FASTKD1: variants seen among roughly 807,000 people sequenced by gnomAD.
FASTKD1 encodes the protein FAST kinase domains 1, also known as FAST kinase domain-containing protein 1, mitochondrial.
FASTKD1 carries 94 observed loss-of-function variants against 90.9 expected under a neutral mutation model. The observed-to-expected ratio is 1.03, with a 90% CI of 0.88 to 1.23. The LOEUF is 1.23. Ranked by LOEUF, FASTKD1 falls within the 50% of genes most tolerant of loss-of-function variation. The pLI is 0.00. For missense variants in FASTKD1, 945 were observed against 993.5 expected, an observed-to-expected ratio of 0.95 and a Z score of 0.66; for synonymous variants, 319 against 345.8, an observed-to-expected ratio of 0.92 and a Z score of 0.86.
intron 6 of FASTKD1, among the ~76,000 whole-genome samples, chr2:169,556,385 G>C (rs906959180): frequency 6.8e-6 from 1 of 148,074 alleles, no homozygotes; most frequent in Non-Finnish European, 1.5e-5. Flanking sequence ...GCAGTGAGTT[G>C]TGATGGCACC....
chr2:169,540,439 T>C (rs1327440308), intron 9 of FASTKD1, among the ~76,000 whole-genome samples: 1 of 152,184 alleles, frequency 6.6e-6, no homozygotes, highest in African/African-American at 2.4e-5. Context: ...GTGATTCAAT[T>C]TGAATAAATT....
At chr2:169,563,515 A>G (rs1683808407) in intron 3 of FASTKD1, 165 bp from the exon 4 acceptor site, 1 of 384,398 alleles carries the variant, frequency 2.6e-6, no homozygotes, top group East Asian at 5.0e-5. Context: ...AAAAAGTCAG[A>G]TACTGTAGAA....
intron 8 of FASTKD1, 63 bp from the exon 9 acceptor site, chr2:169,544,898 CTAAT>C: frequency 3.4e-6 from 3 of 879,202 alleles, no homozygotes; most frequent in Non-Finnish European, 5.3e-6. Flanking sequence ...AAATTTTAAC[CTAAT>C]TATTTTTTAG....
intron 2 of FASTKD1, among the ~76,000 whole-genome samples, chr2:169,569,588 C>T (rs942258828): frequency 6.6e-6 from 1 of 152,182 alleles, no homozygotes; most frequent in Non-Finnish European, 1.5e-5. Flanking sequence ...TGGTGGCTCA[C>T]ACCTGTAATC....
intron 7 of FASTKD1, among the ~76,000 whole-genome samples, chr2:169,547,741 C>T (rs1685267074): frequency 6.6e-6 from 1 of 151,556 alleles, no homozygotes; most frequent in Non-Finnish European, 1.5e-5. Flanking sequence ...TTAGCTTAGC[C>T]AGGCATGGTG....
chr2:169,538,257 T>C, intron 10 of FASTKD1, 116 bp from the exon 11 acceptor site: 1 of 812,834 alleles, frequency 1.2e-6, no homozygotes, highest in Non-Finnish European at 1.9e-6. Flanking sequence ...TAACAGTATT[T>C]AGAACTGTTT....
At position 169,564,131 on chromosome 2, in the gene FASTKD1, T is replaced by C. The variant is rs73971632; in HGVS notation, c.447-781A>G. 9.5e-3 allele frequency among the ~76,000 whole-genome samples: 1,449 copies of C among 152,272 alleles called. 30 individuals are homozygous for C. Among genetic ancestry groups the C allele is most frequent in the African/African-American group, 0.032 (1,349 of 41,542 alleles). ...TCATGCTGTATGCTTATGACTAGTA[T>C]AATTTTTATACATTATTTTTCTGTA... is the stretch of plus-strand genomic sequence containing the variant. On this transcript the variant is annotated intron_variant, in intron 3 of 14. Transcript: ENST00000453153.
chr2:169,531,249 G>A, intron 13 of FASTKD1, 103 bp downstream of exon 13: 1 of 1,202,192 alleles, frequency 8.3e-7, no homozygotes, highest in Non-Finnish European at 1.2e-6. Flanking sequence ...GACATATGAG[G>A]AACAGATTCC....
intron 13 of FASTKD1, 84 bp from the exon 14 acceptor site, chr2:169,530,785 C>A: frequency 1.4e-6 from 1 of 727,520 alleles, no homozygotes. Context: ...AAGATTGCAT[C>A]TTTATAAACT....
intron 6 of FASTKD1, 32 bp from the exon 7 acceptor site, chr2:169,555,287 T>C: frequency 6.4e-7 from 1 of 1,565,866 alleles, no homozygotes. Context: ...TTATAACCAG[T>C]TCATTCATTT....
Position 169,546,456 on chromosome 2 carries a change from C to A in FASTKD1, c.1463G>T (p.Arg488Leu). The A allele has an allele frequency of 1.9e-6, 3 of 1,614,132 alleles. No individual in the cohort carries two copies. Among genetic ancestry groups the A allele is most frequent in the Admixed American group, 1.7e-5 (1 of 60,018 alleles). Residue 488 changes from arginine (R) to leucine (L), a missense_variant, in exon 8 of 15, where the codon CGT (arginine) becomes CTT (leucine). Arg to Leu is a moderately radical substitution (Grantham distance 102). Transcript: ENST00000453153. ...ACTGTTGCTGTGTTGTAGTCTCTGA[C>A]GACCATAGTGATCTAATTTTTGAAG... ...KLLQKLDHYG[R>L]QRLQHSNSLD...
chr2:169,542,643 C>T (rs772769018), intron 9 of FASTKD1, among the ~76,000 whole-genome samples: 10 of 152,018 alleles, frequency 6.6e-5, no homozygotes, highest in Non-Finnish European at 1.3e-4. Flanking sequence ...GGTGGGAGGA[C>T]CGCTTGAGCC....
chr2:169,553,527 A>C (rs1685592961), intron 7 of FASTKD1, among the ~76,000 whole-genome samples: 1 of 152,214 alleles, frequency 6.6e-6, no homozygotes, highest in Non-Finnish European at 1.5e-5. Flanking sequence ...ATGTTATTTC[A>C]TATTACTCAG....
chr2:169,570,474 GTA>G (rs566824511), intron 2 of FASTKD1, among the ~76,000 whole-genome samples: 137 of 151,794 alleles, frequency 9.0e-4, no homozygotes, highest in African/African-American at 3.2e-3. Context: ...CACATAATTT[GTA>G]TAACATTGTT....
In FASTKD1 at chr2:169,571,661, G is replaced by A; in HGVS notation, c.369C>T (p.Val123=). ...NDDTLVNVLY[V]TQQFAGEAHD... is the part of the protein sequence containing the mutation. ...AAAAGTAAATTACTTACTGTTGTGT[G>A]ACGTATAACACATTCACCAGGGTAT... Residue 123 remains valine (V), a synonymous_variant, in exon 2 of 15, where the codon GTC becomes GTT. Coordinates refer to ENST00000453153, the MANE Select transcript of FASTKD1 (RefSeq NM_024622.6). 1.9e-6 allele frequency: 3 copies of A among 1,576,258 alleles called. No homozygotes were observed. Among genetic ancestry groups the A allele is most frequent in the Non-Finnish European group, 2.6e-6 (3 of 1,152,690 alleles).
Position 169,560,498 on chromosome 2 carries a change from A to AT in FASTKD1, c.859dup (p.Ile287AsnfsTer4). The stretch of plus-strand genomic sequence containing the variant: ...TTCAGTTAGCTTCTTTTTAGCCATT[A>AT]TAATAAATTCAAAACTATTAAATTG... On this transcript the variant is annotated frameshift_variant, in exon 5 of 15. Transcript: ENST00000453153. LOFTEE classifies it high-confidence loss of function. 1 of 1,602,578 alleles carries AT rather than the reference A, an allele frequency of 6.2e-7. No homozygotes were observed. Among genetic ancestry groups the AT allele is most frequent in the South Asian group, 1.1e-5 (1 of 88,688 alleles).
intron 9 of FASTKD1, 84 bp downstream of exon 9, chr2:169,544,637 T>A: frequency 1.3e-6 from 1 of 774,300 alleles, no homozygotes; most frequent in Non-Finnish European, 2.2e-6. Context: ...TGGTTACCCT[T>A]TAAATGAGGG....
chr2:169,534,183 CAAAAAAAAAAA>C (rs71003097), intron 12 of FASTKD1, among the ~76,000 whole-genome samples: 11 of 46,322 alleles, frequency 2.4e-4, no homozygotes, highest in African/African-American at 3.8e-4. Context: ...GACCCTTTCT[CAAAAAAAAAAA>C]AAAAAAAAAA....
At chr2:169,563,819 A>T (rs143065823) in intron 3 of FASTKD1, among the ~76,000 whole-genome samples, 9 of 152,326 alleles carry the variant, frequency 5.9e-5, no homozygotes, top group Admixed American at 2.0e-4. Flanking sequence ...CCCTGCAAAA[A>T]ACCCGAATGT....
Sources: allele counts gnomAD v4.1 joint callset (sites outside exome capture counted in the v4.1 genomes callset), GRCh38; gene constraint gnomAD v4.1.1; transcripts MANE v1.5; gene names NCBI Gene and HGNC (gene_info 2026-07-23, HGNC 2026-07-21).